The following ZNF705A variants were observed in gnomAD, a reference collection of about 807,000 sequenced individuals.
ZNF705A encodes the protein zinc finger protein 705A.
A neutral mutation model predicts 16.6 loss-of-function variants in ZNF705A; 8 were observed. The ratio of observed to expected loss-of-function variants is 0.48; its 90% confidence interval spans 0.28 to 0.87. ZNF705A has a LOEUF of 0.87. ZNF705A is among the 40% of genes least tolerant of loss of function. ZNF705A has a pLI of 0.10. For missense variants in ZNF705A, 233 were observed against 359.9 expected (o/e 0.65, Z 2.85); for synonymous variants, 73 against 117.3 (o/e 0.62, Z 2.44).
chr12:8,166,893 C>T (rs1463334467), intron 1 of ZNF705A, among the ~76,000 whole-genome samples: 2 of 152,248 alleles, frequency 1.3e-5, no homozygotes, highest in East Asian at 1.9e-4. Context: ...CTGCCACCAG[C>T]CAAGGTCTCT....
upstream of ZNF705A, among the ~76,000 whole-genome samples, chr12:8,171,270 C>T (rs1261384023): frequency 6.6e-6 from 1 of 152,118 alleles, no homozygotes; most frequent in Non-Finnish European, 1.5e-5. Flanking sequence ...ATAATTATCA[C>T]TTGTACATAA....
chr12:8,157,030 T>C (rs902340219), upstream of ZNF705A: 49 of 397,944 alleles, frequency 1.2e-4, no homozygotes, highest in African/African-American at 9.5e-4. Context: ...GTCAAAAATC[T>C]GCATAATGGA....
intron 1 of ZNF705A, among the ~76,000 whole-genome samples, chr12:8,167,344 G>T (rs1316286695): frequency 6.6e-6 from 1 of 152,320 alleles, no homozygotes; most frequent in East Asian, 1.9e-4. Flanking sequence ...AGGGTTTTTA[G>T]TAGTAGTCTC....
At chr12:8,169,117 G>A (rs780990373), upstream of ZNF705A, among the ~76,000 whole-genome samples, 1 of 152,100 alleles carries the variant, frequency 6.6e-6, no homozygotes, top group African/African-American at 2.4e-5. Flanking sequence ...TTATTTTATT[G>A]TATGTAAATA....
At chr12:8,165,278 A>ATTTTTTT (rs36022408) in intron 1 of ZNF705A, among the ~76,000 whole-genome samples, 11 of 94,488 alleles carry the variant, frequency 1.2e-4, no homozygotes, top group African/African-American at 4.3e-4. Flanking sequence ...ATCTTTGCCC[A>ATTTTTTT]TTTTTTTTTT....
upstream of ZNF705A, chr12:8,172,402 C>G (rs762640017): frequency 4.6e-6 from 3 of 649,544 alleles, no homozygotes; most frequent in Non-Finnish European, 8.0e-6. Context: ...ATTTTGACCA[C>G]GGGAAAAGAG....
At chr12:8,162,515 C>T (rs1948364184) in intron 1 of ZNF705A, among the ~76,000 whole-genome samples, 2 of 152,136 alleles carry the variant, frequency 1.3e-5, no homozygotes, top group African/African-American at 4.8e-5. Context: ...TGTTCCAGGT[C>T]ACTAGAAGAA....
chr12:8,171,744 ATT>A (rs35217701), upstream of ZNF705A, among the ~76,000 whole-genome samples: 1 of 150,940 alleles, frequency 6.6e-6, no homozygotes, highest in Non-Finnish European at 1.5e-5. Context: ...CCTAAAACAG[ATT>A]TTTTTTTTGA....
intron 1 of ZNF705A, among the ~76,000 whole-genome samples, chr12:8,158,241 C>G (rs74060106): frequency 3.9e-5 from 6 of 152,072 alleles, no homozygotes; most frequent in Non-Finnish European, 8.8e-5. Context: ...AAAATGCAAT[C>G]AAATTGAACA....
upstream of ZNF705A, among the ~76,000 whole-genome samples, chr12:8,171,436 T>C (rs1380977140): frequency 3.9e-5 from 6 of 152,198 alleles, no homozygotes; most frequent in Admixed American, 3.3e-4. Context: ...TCAGCAAATA[T>C]GTATCATGAT....
At chr12:8,159,667 C>T (rs1021055815) in intron 1 of ZNF705A, among the ~76,000 whole-genome samples, 15 of 143,282 alleles carry the variant, frequency 1.0e-4, no homozygotes, top group Non-Finnish European at 1.7e-4. Flanking sequence ...TGTTTGTTTT[C>T]TTTTTTGTTT....
intron 1 of ZNF705A, among the ~76,000 whole-genome samples, chr12:8,167,507 G>T (rs1222666588): frequency 6.6e-6 from 1 of 152,156 alleles, no homozygotes; most frequent in Non-Finnish European, 1.5e-5. Flanking sequence ...ATCAGAGGAT[G>T]CATTTTCCCA....
At chr12:8,175,436 G>A (rs780271703) in intron 3 of ZNF705A, 113 bp downstream of exon 4, 13 of 1,286,004 alleles carry the variant, frequency 1.0e-5, no homozygotes, top group Admixed American at 2.0e-5. Flanking sequence ...TAAAATGTAG[G>A]TTAGGCTACT....
chr12:8,177,549 G>A (rs1948496101), exon 5 of ZNF705A: 1 of 1,612,390 alleles, frequency 6.2e-7, no homozygotes, highest in Non-Finnish European at 8.5e-7. Flanking sequence ...CTTCTATGTG[G>A]GAAGGCCTTC....
upstream of ZNF705A, among the ~76,000 whole-genome samples, chr12:8,169,450 C>A (rs1390296638): frequency 6.6e-6 from 1 of 152,124 alleles, no homozygotes; most frequent in Non-Finnish European, 1.5e-5. Context: ...GATATATATT[C>A]GTTTTGGTTT....
At chr12:8,170,698 T>G (rs1948438967), upstream of ZNF705A, among the ~76,000 whole-genome samples, 1 of 152,204 alleles carries the variant, frequency 6.6e-6, no homozygotes, top group Admixed American at 6.5e-5. Context: ...ATATCTTATT[T>G]TTTTGAAGGA....
chr12:8,160,395 T>C (rs1437215454), intron 1 of ZNF705A, among the ~76,000 whole-genome samples: 1 of 152,092 alleles, frequency 6.6e-6, no homozygotes, highest in Non-Finnish European at 1.5e-5. Context: ...TGTGTTGAAT[T>C]TGTAGATTGC....
exon 5 of ZNF705A, chr12:8,179,645 A>G (rs1489112109): frequency 6.6e-6 from 1 of 152,234 alleles, no homozygotes; most frequent in East Asian, 1.9e-4. Flanking sequence ...GATTGATTTT[A>G]CTCTGCAGCC....
chr12:8,177,108 C>T (rs148660417), exon 5 of ZNF705A: 4 of 1,611,958 alleles, frequency 2.5e-6, no homozygotes, highest in Non-Finnish European at 3.4e-6. Context: ...GGAAAGAAAC[C>T]CTATGTCAGC....
Sources: gnomAD v4.1 joint callset for allele counts (sites outside exome capture counted in the v4.1 genomes callset) on GRCh38, gnomAD v4.1.1 for gene constraint, MANE v1.5 for transcripts, NCBI Gene and HGNC (gene_info 2026-07-23, HGNC 2026-07-21) for gene names.